Variants in LRP2BP observed in about 807,000 individuals in gnomAD.
LRP2BP encodes the protein LRP2 binding protein, also known as LRP2-binding protein.
In LRP2BP, 38 loss-of-function variants were observed where a neutral mutation model predicts 45.2. That is an observed-to-expected ratio of 0.84 (90% CI 0.65 to 1.10). The LOEUF (loss-of-function observed/expected upper bound fraction) is 1.10. LRP2BP is among the 50% of genes least tolerant of loss of function. The pLI, the probability that LRP2BP is intolerant of heterozygous loss-of-function variation, is 0.00. For missense variants in LRP2BP, 385 were observed against 418.9 expected (o/e 0.92, Z 0.71); for synonymous variants, 153 against 153.9 (o/e 0.99, Z 0.04).
Position 185,378,174 on chromosome 4 carries a change from T to C in LRP2BP, c.13A>G (p.Ser5Gly), listed in dbSNP as rs763312622. 5.0e-6 allele frequency: 8 copies of C among 1,613,888 alleles called. No individual in the cohort carries two copies. The highest frequency in any genetic ancestry group is 4.0e-5 in the African/African-American group (3 of 74,934). ...AAGGGGTTCTTGGGCAACTTTTCAC[T>C]GGTCAACTTCATCCTTTTTCTGCAA... MKLT[S>G]EKLPKNPFYA... The change falls in exon 2 of 9, where the codon AGT becomes GGT. Residue 5 changes from serine (S) to glycine (G), a missense_variant. Ser to Gly is a moderately conservative substitution (Grantham distance 56, BLOSUM62 0). Coordinates refer to ENST00000505916, the MANE Select transcript of LRP2BP (RefSeq NM_001377440.1).
At position 185,366,608 on chromosome 4, in the gene LRP2BP, G is replaced by A. The variant is rs968470936; in HGVS notation, c.*572C>T. The A allele has an allele frequency of 6.6e-6, 1 of 152,100 alleles. No individual in the cohort carries two copies. Among genetic ancestry groups the A allele is most frequent in the Non-Finnish European group, 1.5e-5 (1 of 68,008 alleles). The allele number at this position is 152,100 out of a possible 1,614,324, so 9.4% of individuals were successfully genotyped here. ...AGTTTTAGCTTTAATAACTTCAGAA[G>A]TAGAAATGCTGCACACACTTATTTA... is the stretch of plus-strand genomic sequence containing the variant. On this transcript the variant is annotated 3_prime_UTR_variant, in exon 9 of 9. Coordinates refer to ENST00000505916, the MANE Select transcript of LRP2BP (RefSeq NM_001377440.1).
Position 185,395,146 on chromosome 4 carries a change from A to T in LRP2BP, c.-389T>A. The T allele has an allele frequency of 1.0e-6, 1 of 985,430 alleles. No individual in the cohort carries two copies. 61.0% of individuals were successfully genotyped at this position (985,430 alleles called of 1,614,324 possible). A position where few individuals can be genotyped will look rare whatever the true frequency, so the allele number is the denominator to read the frequency against. ...ACAGGTACGCTGTGATTAAAGGGAGAAAAGCTGTAACGACTCCCCAAATTT... is the reference window on the plus strand; with the variant it reads ...ACAGGTACGCTGTGATTAAAGGGAGTAAAGCTGTAACGACTCCCCAAATTT... On this transcript the variant is annotated 5_prime_UTR_variant, in exon 1 of 9. Coordinates refer to ENST00000505916, the MANE Select transcript of LRP2BP (RefSeq NM_001377440.1).
At chr4:185,379,886 T>C (rs1326588479) in intron 1 of LRP2BP, among the ~76,000 whole-genome samples, 1 of 152,134 alleles carries the variant, frequency 6.6e-6, no homozygotes, top group Admixed American at 6.5e-5. Flanking sequence ...ATTGGTACAA[T>C]CATAGCTCTC....
chr4:185,396,615 A>G (rs1169931688), upstream of LRP2BP: 2 of 435,772 alleles, frequency 4.6e-6, no homozygotes, highest in Admixed American at 8.6e-5. Context: ...ACGCATCCAC[A>G]GCTGGCCAAT....
At chr4:185,378,551 G>A (rs2095445878) in intron 1 of LRP2BP, 1 of 1,031,004 alleles carries the variant, frequency 9.7e-7, no homozygotes, top group Non-Finnish European at 1.2e-6. Flanking sequence ...ACTGCCCACA[G>A]TCAGAGCTCT....
intron 1 of LRP2BP, among the ~76,000 whole-genome samples, chr4:185,388,325 T>G (rs192475841): frequency 2.0e-5 from 3 of 152,082 alleles, no homozygotes; most frequent in Non-Finnish European, 4.4e-5. Flanking sequence ...CTCATCCTTA[T>G]TCCCAATATT....
upstream of LRP2BP, chr4:185,396,858 G>A (rs375186975): frequency 1.2e-4 from 180 of 1,544,352 alleles, 1 homozygote; most frequent in African/African-American, 1.9e-3. Context: ...CTTACCTGTC[G>A]GGGTGCGGCG....
At chr4:185,384,938 G>A (rs1423799178) in intron 1 of LRP2BP, among the ~76,000 whole-genome samples, 1 of 109,276 alleles carries the variant, frequency 9.2e-6, no homozygotes, top group African/African-American at 3.7e-5. Context: ...AGGTCCGTTT[G>A]TGTGTTTAAA....
rs1263274798 is a variant in LRP2BP at position 185,366,281 on chromosome 4, A to G, written c.*899T>C. On this transcript the variant is annotated 3_prime_UTR_variant, in exon 9 of 9. Coordinates refer to ENST00000505916, the MANE Select transcript of LRP2BP (RefSeq NM_001377440.1). ...CAATATTTAATTGTAGTTCTTGTAAATGATTTCATTGAGGCTTTTACCACA... is the reference window on the plus strand; with the variant it reads ...CAATATTTAATTGTAGTTCTTGTAAGTGATTTCATTGAGGCTTTTACCACA... 1.3e-5 allele frequency: 2 copies of G among 152,248 alleles called. No homozygotes were observed. The highest frequency in any genetic ancestry group is 2.9e-5 in the Non-Finnish European group (2 of 68,038). The allele number at this position is 152,248 out of a possible 1,614,324, so 9.4% of individuals were successfully genotyped here. A position where few individuals can be genotyped will look rare whatever the true frequency, so the allele number is the denominator to read the frequency against.
chr4:185,397,188 G>T (rs757490519), upstream of LRP2BP: 1 of 1,613,816 alleles, frequency 6.2e-7, no homozygotes, highest in East Asian at 2.2e-5. Flanking sequence ...CAGGGGCCTC[G>T]GTCAACGCAC....
rs144428897 is a variant in LRP2BP, at chr4:185,391,459, G to C, written c.-22+3320C>G. On this transcript the variant is annotated intron_variant, in intron 1 of 8. Coordinates refer to ENST00000505916, the MANE Select transcript of LRP2BP (RefSeq NM_001377440.1). ...CAGGGAATATCTACATTAAACATTT[G>C]AAATTCTTCTGTAAAGAAGCATTGT... Among the ~76,000 whole-genome samples the C allele has an allele frequency of 7.9e-5, 12 of 152,286 alleles. No individual in the cohort carries two copies. The East Asian group carries it at 1.4e-3, about 17-fold the overall frequency.
chr4:185,369,430 G>A (rs558938544), intron 8 of LRP2BP, among the ~76,000 whole-genome samples: 2 of 151,848 alleles, frequency 1.3e-5, no homozygotes, highest in South Asian at 4.2e-4. Context: ...TTTTAGTAGA[G>A]ACCCAGTTTC....
chr4:185,395,953 C>A (rs1471675462), upstream of LRP2BP: 1 of 965,602 alleles, frequency 1.0e-6, no homozygotes, highest in Non-Finnish European at 1.2e-6. Flanking sequence ...CAGTAGCTGC[C>A]ATCGGAAGTC....
intron 1 of LRP2BP, among the ~76,000 whole-genome samples, chr4:185,385,912 G>GC (rs1554020215): frequency 4.4e-5 from 1 of 22,780 alleles, no homozygotes; most frequent in African/African-American, 7.7e-5. Flanking sequence ...GGGAGGGGGG[G>GC]GGGGAGATAA....
In LRP2BP at chr4:185,378,143, G is replaced by A; in HGVS notation, c.44C>T (p.Ala15Val). The A allele has an allele frequency of 6.2e-7, 1 of 1,614,000 alleles. No individual in the cohort carries two copies. Among genetic ancestry groups the A allele is most frequent in the Non-Finnish European group, 8.5e-7 (1 of 1,180,004 alleles). The stretch of plus-strand genomic sequence containing the variant: ...TTTAGCAGCATACTGAGATACAGAG[G>A]CATAAAAGGGGTTCTTGGGCAACTT... ...SEKLPKNPFY[A>V]SVSQYAAKNQ... Residue 15 changes from alanine (A) to valine (V), a missense_variant, in exon 2 of 9, where the codon GCC (alanine) becomes GTC (valine). Physicochemically the swap from Ala to Val is moderately conservative, Grantham distance 64. Coordinates refer to ENST00000505916, the MANE Select transcript of LRP2BP (RefSeq NM_001377440.1).
At chr4:185,383,470 A>AC (rs1219213376) in intron 1 of LRP2BP, among the ~76,000 whole-genome samples, 2 of 152,092 alleles carry the variant, frequency 1.3e-5, no homozygotes, top group East Asian at 1.9e-4. Context: ...ACAGAGTGAG[A>AC]CCCCATCTCC....
intron 1 of LRP2BP, among the ~76,000 whole-genome samples, chr4:185,393,529 CTT>C (rs34881421): frequency 1.3e-3 from 192 of 142,232 alleles, no homozygotes; most frequent in African/African-American, 2.3e-3. Context: ...TTTTCTTTTC[CTT>C]TTTTTTTTTT....
chr4:185,370,710 T>C lies in LRP2BP; in HGVS notation c.908A>G (p.His303Arg). 6.2e-7 allele frequency: 1 copy of C among 1,614,088 alleles called. No homozygotes were observed. Reference sequence around the variant, plus strand: ...CAAGCCAAGCTGAAGACACCTTGCGTGGTAGAAGGATGCCATTGCCATGCC... The same window carrying C: ...CAAGCCAAGCTGAAGACACCTTGCGCGGTAGAAGGATGCCATTGCCATGCC... ...GRGMAMASFY[H>R]ARCLQLGLGI... Residue 303 changes from histidine to arginine, a missense_variant, in exon 8 of 9, where the codon CAC (histidine) becomes CGC (arginine). Physicochemically the swap from His to Arg is conservative, Grantham distance 29. Transcript: ENST00000505916.
At position 185,378,174 on chromosome 4, in the gene LRP2BP, T is replaced by A; in HGVS notation, c.13A>T (p.Ser5Cys). MKLT[S>C]EKLPKNPFYA... ...AAGGGGTTCTTGGGCAACTTTTCACTGGTCAACTTCATCCTTTTTCTGCAA... is the reference window on the plus strand; with the variant it reads ...AAGGGGTTCTTGGGCAACTTTTCACAGGTCAACTTCATCCTTTTTCTGCAA... The change falls in exon 2 of 9, where the codon AGT becomes TGT. Residue 5 changes from serine (S) to cysteine (C), a missense_variant. Transcript: ENST00000505916. 1 of 1,614,006 alleles carries A rather than the reference T, an allele frequency of 6.2e-7. No individual in the cohort carries two copies. The highest frequency in any genetic ancestry group is 8.5e-7 in the Non-Finnish European group (1 of 1,179,976).
Sources: gnomAD v4.1 joint callset for allele counts (sites outside exome capture counted in the v4.1 genomes callset) on GRCh38, gnomAD v4.1.1 for gene constraint, MANE v1.5 for transcripts, NCBI Gene and HGNC (gene_info 2026-07-23, HGNC 2026-07-21) for gene names.